The following CSMD1 variants were observed in gnomAD, a reference collection of about 807,000 sequenced individuals.
CSMD1 encodes the protein CUB and sushi domain-containing protein 1.
CSMD1 carries 213 observed loss-of-function variants against 417.5 expected under a neutral mutation model. That is an observed-to-expected ratio of 0.51 (90% CI 0.46 to 0.57). The LOEUF (loss-of-function observed/expected upper bound fraction) is 0.57. CSMD1 is among the 20% of genes least tolerant of loss of function. The probability of loss-of-function intolerance (pLI) is 0.00; values close to 1 mark genes in which losing one functional copy is unlikely to be tolerated. For missense variants in CSMD1, 6,923 were observed against 4,529.7 expected (o/e 1.53, Z -15.17); for synonymous variants, 2,862 against 1,736.8 (o/e 1.65, Z -16.11).
At chr8:4,347,871 C>T (rs1800862650) in intron 3 of CSMD1, among the ~76,000 whole-genome samples, 1 of 151,968 alleles carries the variant, frequency 6.6e-6, no homozygotes, top group Non-Finnish European at 1.5e-5. Context: ...GAGGTAATTT[C>T]CAAAGTTAAT....
At chr8:3,165,746 G>C (rs1014961084) in intron 37 of CSMD1, among the ~76,000 whole-genome samples, 2 of 152,058 alleles carry the variant, frequency 1.3e-5, no homozygotes, top group African/African-American at 4.8e-5. Context: ...CAGATGCAGG[G>C]GCAGAAGACA....
intron 41 of CSMD1, among the ~76,000 whole-genome samples, chr8:3,131,021 G>A (rs536793150): frequency 7.9e-5 from 12 of 152,204 alleles, no homozygotes; most frequent in African/African-American, 2.4e-4. Flanking sequence ...GTCCTCCAGC[G>A]TTCATAACTG....
rs1431612102 is a variant in CSMD1, at chr8:3,772,390, T to C, written c.819-18348A>G. Reference sequence around the variant, plus strand: ...ATATATACATATATTCATATATTTATATATACACATATATACATATATTTA... The same window carrying C: ...ATATATACATATATTCATATATTTACATATACACATATATACATATATTTA... On this transcript the variant is annotated intron_variant, in intron 5 of 69. Coordinates refer to ENST00000635120, the MANE Select transcript of CSMD1 (RefSeq NM_033225.6). Among the ~76,000 whole-genome samples the C allele has an allele frequency of 4.4e-3, 532 of 120,104 alleles. 101 individuals carry two copies. The highest frequency in any genetic ancestry group is 0.013 in the African/African-American group (350 of 26,724). 78.8% of individuals were successfully genotyped at this position (120,104 alleles called of 152,430 possible).
At chr8:3,133,549 G>T (rs769376170) in intron 41 of CSMD1, among the ~76,000 whole-genome samples, 26 of 152,174 alleles carry the variant, frequency 1.7e-4, no homozygotes, top group Non-Finnish European at 3.5e-4. Context: ...CGAGAGTGAA[G>T]CCCCTAACCC....
intron 10 of CSMD1, among the ~76,000 whole-genome samples, chr8:3,517,611 T>C (rs1480194893): frequency 2.0e-5 from 3 of 152,194 alleles, no homozygotes; most frequent in Non-Finnish European, 2.9e-5. Context: ...GGGAATAATA[T>C]TTACTATACG....
intron 6 of CSMD1, among the ~76,000 whole-genome samples, chr8:3,732,767 A>G (rs191931880): frequency 5.9e-5 from 9 of 152,184 alleles, no homozygotes; most frequent in African/African-American, 2.2e-4. Context: ...CTTAATTACT[A>G]AGCTGAAACG....
intron 37 of CSMD1, among the ~76,000 whole-genome samples, chr8:3,162,590 T>C (rs1247877886): frequency 6.6e-6 from 1 of 152,148 alleles, no homozygotes; most frequent in Non-Finnish European, 1.5e-5. Flanking sequence ...AAAAAGTCTC[T>C]TCAAAAATTG....
chr8:3,979,295 G>C (rs1299110832), intron 5 of CSMD1, among the ~76,000 whole-genome samples: 3 of 152,174 alleles, frequency 2.0e-5, no homozygotes, highest in Non-Finnish European at 2.9e-5. Flanking sequence ...ATTTGTTCTG[G>C]ATGTAGTAAC....
intron 1 of CSMD1, among the ~76,000 whole-genome samples, chr8:4,665,887 G>A (rs1034659024): frequency 6.6e-6 from 1 of 152,118 alleles, no homozygotes; most frequent in African/African-American, 2.4e-5. Flanking sequence ...GACCTTGCAG[G>A]ATTGTATAGT....
rs866520906 is a variant in CSMD1 at position 3,709,680 on chromosome 8, G to C, written c.932-1189C>G. 6.8e-4 allele frequency among the ~76,000 whole-genome samples: 23 copies of C among 33,698 alleles called. No individual in the cohort carries two copies. The South Asian group carries it at 0.013, about 20-fold the overall frequency. 22.1% of individuals were successfully genotyped at this position (33,698 alleles called of 152,430 possible). A position where few individuals can be genotyped will look rare whatever the true frequency, so the allele number is the denominator to read the frequency against. ...GATGGGCTTTAAATTGCAGCAGCAT[G>C]TTTTTTTTTTTTTTTTTTTTTTTTT... On this transcript the variant is annotated intron_variant, in intron 6 of 69. Coordinates refer to ENST00000635120, the MANE Select transcript of CSMD1 (RefSeq NM_033225.6).
chr8:3,942,886 G>A (rs1044185541), intron 5 of CSMD1, among the ~76,000 whole-genome samples: 4 of 152,030 alleles, frequency 2.6e-5, no homozygotes, highest in African/African-American at 9.7e-5. Context: ...AAAATCAAAT[G>A]AATACATCAT....
chr8:4,846,103 C>A (rs969959734), intron 1 of CSMD1, among the ~76,000 whole-genome samples: 5 of 152,170 alleles, frequency 3.3e-5, no homozygotes, highest in African/African-American at 1.2e-4. Flanking sequence ...GGAGTTAGAA[C>A]TTCCACGTGG....
At chr8:4,611,327 G>A (rs1210023500) in intron 2 of CSMD1, among the ~76,000 whole-genome samples, 1 of 152,128 alleles carries the variant, frequency 6.6e-6, no homozygotes, top group Non-Finnish European at 1.5e-5. Context: ...CCTCTTTGAA[G>A]ACTACACAAA....
intron 47 of CSMD1, among the ~76,000 whole-genome samples, chr8:3,093,852 T>C (rs1815116274): frequency 2.0e-5 from 3 of 152,078 alleles, no homozygotes; most frequent in Admixed American, 2.0e-4. Context: ...TATTAATAGA[T>C]CTCACTATGA....
intron 22 of CSMD1, among the ~76,000 whole-genome samples, chr8:3,344,722 T>A (rs920498095): frequency 6.6e-6 from 1 of 152,234 alleles, no homozygotes; most frequent in Non-Finnish European, 1.5e-5. Context: ...TTATACAGAT[T>A]AATTTTTCTT....
intron 1 of CSMD1, among the ~76,000 whole-genome samples, chr8:4,654,299 G>C (rs1804090641): frequency 6.6e-6 from 1 of 152,066 alleles, no homozygotes; most frequent in African/African-American, 2.4e-5. Context: ...ATATGGAAAG[G>C]ATATAAATGG....
chr8:3,183,067 C>G (rs1038317885), intron 36 of CSMD1: 4 of 151,856 alleles, frequency 2.6e-5, no homozygotes, highest in African/African-American at 9.7e-5. Flanking sequence ...CTAGAAGAGG[C>G]TTTTTAAACA....
chr8:4,752,346 T>A (rs1370090757), intron 1 of CSMD1, among the ~76,000 whole-genome samples: 1 of 152,226 alleles, frequency 6.6e-6, no homozygotes, highest in Non-Finnish European at 1.5e-5. Context: ...CTGTGAGCAA[T>A]CTTTTTTATT....
At chr8:3,762,884 TGA>T (rs761948815) in intron 5 of CSMD1, among the ~76,000 whole-genome samples, 166 of 152,324 alleles carry the variant, frequency 1.1e-3, no homozygotes, top group Non-Finnish European at 1.7e-3. Flanking sequence ...AAGCTGCTGA[TGA>T]GAGCTGCTAC....
Sources: gnomAD v4.1 joint callset for allele counts (sites outside exome capture counted in the v4.1 genomes callset) on GRCh38, gnomAD v4.1.1 for gene constraint, MANE v1.5 for transcripts, NCBI Gene and HGNC (gene_info 2026-07-23, HGNC 2026-07-21) for gene names.